Variants in SNX4 observed in about 807,000 individuals in gnomAD.
The protein encoded by SNX4 is sorting nexin 4.
In SNX4, 49 loss-of-function variants were observed where a neutral mutation model predicts 70.8. The observed-to-expected ratio is 0.69, with a 90% CI of 0.55 to 0.88. The LOEUF (loss-of-function observed/expected upper bound fraction) is 0.88. Ranked by LOEUF, SNX4 falls within the 40% of genes least tolerant of loss-of-function variation. The pLI, the probability that SNX4 is intolerant of heterozygous loss-of-function variation, is 0.00. For synonymous variants in SNX4, 206 were observed against 183.8 expected (o/e 1.12, Z -0.98); for missense variants, 528 against 544.8 (o/e 0.97, Z 0.31).
At chr3:125,448,669 C>CTTTTTTT (rs921502028) in intron 13 of SNX4, among the ~76,000 whole-genome samples, 4 of 95,372 alleles carry the variant, frequency 4.2e-5, no homozygotes, top group East Asian at 3.0e-4. Flanking sequence ...GGGTTTTTTC[C>CTTTTTTT]TTTTTTTTTT....
chr3:125,483,698 GA>G (rs1451326450), intron 6 of SNX4, among the ~76,000 whole-genome samples: 4 of 152,058 alleles, frequency 2.6e-5, no homozygotes, highest in Non-Finnish European at 5.9e-5. Flanking sequence ...AGAGCTAAAA[GA>G]TTCTAAACAC....
chr3:125,492,453 C>T (rs888699489), intron 5 of SNX4, among the ~76,000 whole-genome samples: 1 of 151,768 alleles, frequency 6.6e-6, no homozygotes, highest in African/African-American at 2.4e-5. Context: ...GAGTCTTGCT[C>T]CGTCACCCAG....
Position 125,519,571 on chromosome 3 carries a change from T to A in SNX4, c.141+461A>T, listed in dbSNP as rs72977795. Among the ~76,000 whole-genome samples, 1,508 of 152,160 alleles carry A rather than the reference T, an allele frequency of 9.9e-3. 19 individuals carry two copies. The highest frequency in any genetic ancestry group is 0.034 in the African/African-American group (1,411 of 41,512). On this transcript the variant is annotated intron_variant, in intron 1 of 13. Coordinates refer to ENST00000251775, the MANE Select transcript of SNX4 (RefSeq NM_003794.4). ...CTCTAGTCCCCCATTCCCTTCCTTC[T>A]CAAGCACTGTTGCCCACTCCCCACT...
intron 10 of SNX4, among the ~76,000 whole-genome samples, chr3:125,458,740 G>A (rs1219301367): frequency 2.2e-5 from 3 of 135,498 alleles, no homozygotes; most frequent in Non-Finnish European, 3.1e-5. Context: ...CGTGAATCCC[G>A]GGGGGCGGAG....
In SNX4 at chr3:125,460,837, A is replaced by G; in HGVS notation, c.878T>C (p.Ile293Thr). 1 of 1,535,096 alleles carries G rather than the reference A, an allele frequency of 6.5e-7. No homozygotes were observed. Residue 293 changes from isoleucine to threonine, a missense_variant, in exon 10 of 14, where the codon ATT (isoleucine) becomes ACT (threonine). Coordinates refer to ENST00000251775, the MANE Select transcript of SNX4 (RefSeq NM_003794.4). ...TGCATAATGTTCTTCATCTTCCAAA[A>G]TATCATCAATAGAAGATGCATACCT... ...MDVYASSIDDILEDEEHYADQ... is the reference protein window; with the variant it reads ...MDVYASSIDDTLEDEEHYADQ...
At chr3:125,490,142 C>T (rs561806748) in intron 5 of SNX4, among the ~76,000 whole-genome samples, 3 of 150,664 alleles carry the variant, frequency 2.0e-5, no homozygotes, top group African/African-American at 7.3e-5. Context: ...AAAGAAACTA[C>T]TGCTTTAGAG....
chr3:125,517,988 T>G (rs891953443), intron 1 of SNX4, among the ~76,000 whole-genome samples: 29 of 151,190 alleles, frequency 1.9e-4, no homozygotes, highest in Non-Finnish European at 3.2e-4. Flanking sequence ...AAAAAAAGAA[T>G]AAAAATGTCA....
At chr3:125,515,325 C>G (rs1935251796) in intron 1 of SNX4, among the ~76,000 whole-genome samples, 1 of 150,412 alleles carries the variant, frequency 6.6e-6, no homozygotes, top group South Asian at 2.1e-4. Context: ...GCACTCCAAT[C>G]TGGGCGACAG....
chr3:125,461,501 C>T (rs1196051045), intron 9 of SNX4, among the ~76,000 whole-genome samples: 1 of 152,160 alleles, frequency 6.6e-6, no homozygotes. Flanking sequence ...CAAAGACATA[C>T]ATAAAAGGGC....
chr3:125,451,633 T>TC (rs1434156623), intron 12 of SNX4, among the ~76,000 whole-genome samples: 2 of 152,188 alleles, frequency 1.3e-5, no homozygotes, highest in East Asian at 1.9e-4. Flanking sequence ...ATCTACTTTT[T>TC]CTTTTTTTTT....
At chr3:125,492,501 C>T (rs1170603473) in intron 5 of SNX4, among the ~76,000 whole-genome samples, 1 of 152,020 alleles carries the variant, frequency 6.6e-6, no homozygotes, top group Admixed American at 6.6e-5. Context: ...TTAAATGTCC[C>T]TATTTCCTCT....
At chr3:125,471,506 GAA>G (rs1269786328) in intron 8 of SNX4, among the ~76,000 whole-genome samples, 1 of 152,076 alleles carries the variant, frequency 6.6e-6, no homozygotes, top group Non-Finnish European at 1.5e-5. Flanking sequence ...CTTTTTGAAA[GAA>G]ATGTGTCTAT....
At chr3:125,514,696 A>C (rs1481971214) in intron 1 of SNX4, among the ~76,000 whole-genome samples, 1 of 151,904 alleles carries the variant, frequency 6.6e-6, no homozygotes, top group African/African-American at 2.4e-5. Context: ...CTGGCCTCCA[A>C]AACTTTTTTT....
chr3:125,454,028 T>C (rs981426350), intron 11 of SNX4, 73 bp from the exon 12 acceptor site: 5 of 1,309,792 alleles, frequency 3.8e-6, no homozygotes, highest in Non-Finnish European at 3.2e-6. Context: ...TGGAACATTA[T>C]TCAGCCTTTA....
intron 1 of SNX4, among the ~76,000 whole-genome samples, chr3:125,507,109 A>G (rs1020955572): frequency 6.8e-6 from 1 of 146,696 alleles, no homozygotes; most frequent in East Asian, 2.2e-4. Flanking sequence ...TCAGAGACTG[A>G]GGCATGGAGA....
At chr3:125,473,561 C>T (rs1213089988) in intron 8 of SNX4, among the ~76,000 whole-genome samples, 5 of 152,168 alleles carry the variant, frequency 3.3e-5, no homozygotes, top group Admixed American at 2.6e-4. Context: ...ATTACAGGCA[C>T]ACGCCATCAT....
At chr3:125,517,238 C>G (rs1935302205) in intron 1 of SNX4, among the ~76,000 whole-genome samples, 1 of 152,122 alleles carries the variant, frequency 6.6e-6, no homozygotes, top group South Asian at 2.1e-4. Context: ...AGATTCAAAT[C>G]CCAGCCATGC....
At chr3:125,507,510 A>G (rs1935076300) in intron 1 of SNX4, among the ~76,000 whole-genome samples, 1 of 152,178 alleles carries the variant, frequency 6.6e-6, no homozygotes, top group African/African-American at 2.4e-5. Context: ...AAATTTCACA[A>G]ATATGATAGA....
intron 11 of SNX4, among the ~76,000 whole-genome samples, chr3:125,455,213 T>C (rs769861658): frequency 6.6e-6 from 1 of 152,190 alleles, no homozygotes; most frequent in South Asian, 2.1e-4. Flanking sequence ...GGGATTGCCA[T>C]TGTAAGCTAC....
Sources: gnomAD v4.1 joint callset for allele counts (sites outside exome capture counted in the v4.1 genomes callset) on GRCh38, gnomAD v4.1.1 for gene constraint, MANE v1.5 for transcripts, NCBI Gene and HGNC (gene_info 2026-07-23, HGNC 2026-07-21) for gene names.